The following RYR3 variants were observed in gnomAD, a reference collection of about 807,000 sequenced individuals.
The protein encoded by RYR3 is brain ryanodine receptor-calcium release channel.
In RYR3, 207 loss-of-function variants were observed where a neutral mutation model predicts 584.3. The observed-to-expected ratio is 0.35, with a 90% CI of 0.32 to 0.40. The LOEUF (loss-of-function observed/expected upper bound fraction) is 0.40. Ranked by LOEUF, RYR3 falls within the 10% of genes least tolerant of loss-of-function variation. RYR3 has a pLI of 1.00. For missense variants in RYR3, 5,616 were observed against 6,089.2 expected (o/e 0.92, Z 2.59); for synonymous variants, 2,416 against 2,248.5 (o/e 1.07, Z -2.11).
At chr15:33,348,781 T>TAA (rs61467091) in intron 1 of RYR3, among the ~76,000 whole-genome samples, 15 of 148,466 alleles carry the variant, frequency 1.0e-4, no homozygotes, top group South Asian at 8.5e-4. Context: ...TGGCCTAATT[T>TAA]AAAAAAAAAA....
At chr15:33,686,030 G>C (rs1826007778) in intron 38 of RYR3, among the ~76,000 whole-genome samples, 1 of 150,698 alleles carries the variant, frequency 6.6e-6, no homozygotes, top group African/African-American at 2.5e-5. Context: ...ACAATTAGAA[G>C]AACTAGAGAA....
intron 1 of RYR3, among the ~76,000 whole-genome samples, chr15:33,470,697 T>C (rs892767021): frequency 3.3e-5 from 5 of 152,238 alleles, no homozygotes; most frequent in Middle Eastern, 3.4e-3. Flanking sequence ...CAAAACAGGG[T>C]GGAAATCATT....
intron 11 of RYR3, 96 bp downstream of exon 11, chr15:33,563,106 G>A: frequency 1.0e-6 from 1 of 968,260 alleles, no homozygotes; most frequent in South Asian, 1.7e-5. Context: ...ACATGATTGT[G>A]ATTTACTTCT....
intron 1 of RYR3, among the ~76,000 whole-genome samples, chr15:33,369,364 G>A (rs1197649709): frequency 6.6e-6 from 1 of 152,134 alleles, no homozygotes; most frequent in African/African-American, 2.4e-5. Flanking sequence ...AATTACCTTT[G>A]TTCAGTCTCT....
chr15:33,788,128 G>T, intron 66 of RYR3, 90 bp from the exon 67 acceptor site: 1 of 1,528,460 alleles, frequency 6.5e-7, no homozygotes, highest in South Asian at 1.2e-5. Context: ...GAGTCGATGG[G>T]ATTCCACGGC....
At chr15:33,833,292 C>CT (rs774056522) in intron 86 of RYR3, among the ~76,000 whole-genome samples, 14 of 152,056 alleles carry the variant, frequency 9.2e-5, no homozygotes, top group Admixed American at 2.0e-4. Context: ...TTTTTAGTGA[C>CT]TTTTTTTTGT....
chr15:33,694,952 C>A (rs1190572250), intron 38 of RYR3, among the ~76,000 whole-genome samples: 1 of 152,186 alleles, frequency 6.6e-6, no homozygotes, highest in Non-Finnish European at 1.5e-5. Flanking sequence ...TTTTTATATC[C>A]TTACGATGAG....
At chr15:33,641,265 A>T (rs979898942) in intron 27 of RYR3, among the ~76,000 whole-genome samples, 1 of 152,152 alleles carries the variant, frequency 6.6e-6, no homozygotes, top group Admixed American at 6.5e-5. Context: ...TCACATGCTG[A>T]CTCTGCAGTT....
At chr15:33,843,723 A>G in intron 92 of RYR3, 149 bp downstream of exon 92, 1 of 612,394 alleles carries the variant, frequency 1.6e-6, no homozygotes, top group Non-Finnish European at 2.9e-6. Flanking sequence ...TTCTAAAAGG[A>G]ATACAATTTC....
At chr15:33,555,700 A>G (rs1431016154) in intron 10 of RYR3, among the ~76,000 whole-genome samples, 1 of 152,232 alleles carries the variant, frequency 6.6e-6, no homozygotes, top group Non-Finnish European at 1.5e-5. Flanking sequence ...TCTTATCCAT[A>G]AAATGGAAGT....
Position 33,515,169 on chromosome 15 carries a change from A to G in RYR3, c.279+11431A>G, listed in dbSNP as rs2053400773. 2.6e-5 allele frequency among the ~76,000 whole-genome samples: 4 copies of G among 152,228 alleles called. No individual in the cohort carries two copies. The South Asian group carries it at 8.3e-4, about 32-fold the overall frequency. On this transcript the variant is annotated intron_variant, in intron 3 of 103. Transcript: ENST00000634891. ...GATGGGTACAAATAACTGAGCTGTA[A>G]TGACTGAGGCATTGTGAGTCGATGA...
intron 20 of RYR3, among the ~76,000 whole-genome samples, chr15:33,625,657 C>T (rs2060947830): frequency 6.6e-6 from 1 of 152,088 alleles, no homozygotes; most frequent in African/African-American, 2.4e-5. Flanking sequence ...GAATTTGGAG[C>T]TTATATACCA....
intron 1 of RYR3, among the ~76,000 whole-genome samples, chr15:33,472,055 TGAA>T (rs538629928): frequency 1.4e-4 from 22 of 152,242 alleles, no homozygotes; most frequent in Non-Finnish European, 3.1e-4. Context: ...TCAATTAAAA[TGAA>T]GACCATGAAT....
At chr15:33,794,151 T>TA (rs1567184641) in intron 67 of RYR3, among the ~76,000 whole-genome samples, 82 of 116,024 alleles carry the variant, frequency 7.1e-4, no homozygotes, top group Non-Finnish European at 1.3e-3. Flanking sequence ...TACATAAATA[T>TA]ATAATATATA....
intron 36 of RYR3, among the ~76,000 whole-genome samples, chr15:33,664,034 A>G (rs2063320868): frequency 6.6e-6 from 1 of 152,162 alleles, no homozygotes; most frequent in Non-Finnish European, 1.5e-5. Context: ...GTTGGGATTC[A>G]ATTGTCTCCT....
chr15:33,670,785 G>T (rs2063794756), intron 38 of RYR3, among the ~76,000 whole-genome samples: 1 of 152,030 alleles, frequency 6.6e-6, no homozygotes, highest in South Asian at 2.1e-4. Flanking sequence ...GGGTTGCTTG[G>T]TGTCTGTTCT....
chr15:33,564,347 A>T (rs2152486502), intron 11 of RYR3, among the ~76,000 whole-genome samples: 1 of 152,334 alleles, frequency 6.6e-6, no homozygotes, highest in South Asian at 2.1e-4. Context: ...CAAAGCAGAG[A>T]TGTTGACATT....
At chr15:33,580,202 G>C in intron 13 of RYR3, 58 bp downstream of exon 13, 1 of 1,336,116 alleles carries the variant, frequency 7.5e-7, no homozygotes, top group Non-Finnish European at 1.0e-6. Context: ...GAATATCCCT[G>C]TGACTACAAC....
At chr15:33,785,436 T>C (rs1002774689) in intron 65 of RYR3, among the ~76,000 whole-genome samples, 1 of 152,182 alleles carries the variant, frequency 6.6e-6, no homozygotes, top group East Asian at 1.9e-4. Flanking sequence ...CATGTGTTTG[T>C]TTTAACCTCA....
Sources: allele counts gnomAD v4.1 joint callset (sites outside exome capture counted in the v4.1 genomes callset), GRCh38; gene constraint gnomAD v4.1.1; transcripts MANE v1.5; gene names NCBI Gene and HGNC (gene_info 2026-07-23, HGNC 2026-07-21).